CRISP1: variants seen among roughly 807,000 people sequenced by gnomAD.
CRISP1 encodes the protein cysteine-rich secretory protein 1.
In CRISP1, 44 loss-of-function variants were observed where a neutral mutation model predicts 33.1. The observed-to-expected ratio is 1.33, with a 90% confidence interval of 1.05 to 1.71. The LOEUF (loss-of-function observed/expected upper bound fraction) is 1.71. CRISP1 is among the 40% of genes most tolerant of loss of function. CRISP1 has a pLI of 0.00. For missense variants in CRISP1, 390 were observed against 301.2 expected (o/e 1.29, Z -2.18); for synonymous variants, 103 against 98.7 (o/e 1.04, Z -0.26).
At chr6:49,863,050 G>T (rs1417231973) in intron 1 of CRISP1, among the ~76,000 whole-genome samples, 1 of 152,092 alleles carries the variant, frequency 6.6e-6, no homozygotes, top group Admixed American at 6.6e-5. Context: ...GGACATATGG[G>T]TCAAAATCAG....
chr6:49,846,663 A>G lies in CRISP1; in HGVS notation c.292T>C (p.Phe98Leu). Residue 98 changes from phenylalanine to leucine, a missense_variant, in exon 5 of 8, where the codon TTT becomes CTT. Physicochemically the swap from Phe to Leu is conservative, Grantham distance 22. Coordinates refer to ENST00000335847, the MANE Select transcript of CRISP1 (RefSeq NM_001131.3). The part of the protein sequence containing the change: ...NPLERRLPNT[F>L]CGENMHMTSY... ...GTCATATGCATATTTTCTCCACAAAAGGTATCTGAAATGAGAAAACGGGCT... is the reference window on the plus strand; with the variant it reads ...GTCATATGCATATTTTCTCCACAAAGGGTATCTGAAATGAGAAAACGGGCT... 1.2e-6 allele frequency: 2 copies of G among 1,613,174 alleles called. No individual in the cohort carries two copies. The highest frequency in any genetic ancestry group is 2.2e-5 in the East Asian group (1 of 44,852).
chr6:49,861,071 A>G (rs1347408441), intron 1 of CRISP1, among the ~76,000 whole-genome samples: 2 of 152,152 alleles, frequency 1.3e-5, no homozygotes, highest in Non-Finnish European at 2.9e-5. Flanking sequence ...GAGCTGACCA[A>G]TAATGAATAA....
chr6:49,857,270 G>T, intron 2 of CRISP1, 65 bp downstream of exon 2: 1 of 1,489,110 alleles, frequency 6.7e-7, no homozygotes. Flanking sequence ...ATGGTGAATT[G>T]TATTAAAGTG....
At chr6:49,872,882 A>G (rs1771957787) in intron 1 of CRISP1, among the ~76,000 whole-genome samples, 1 of 151,970 alleles carries the variant, frequency 6.6e-6, no homozygotes. Context: ...TTGGCAATGC[A>G]GGCTCTTTTT....
intron 1 of CRISP1, among the ~76,000 whole-genome samples, chr6:49,863,707 G>A (rs910396199): frequency 6.6e-6 from 1 of 152,168 alleles, no homozygotes; most frequent in Non-Finnish European, 1.5e-5. Context: ...ACTGCCCTAT[G>A]GCATGCCCTG....
intron 1 of CRISP1, among the ~76,000 whole-genome samples, chr6:49,857,708 T>C (rs1771534337): frequency 1.3e-5 from 2 of 152,180 alleles, no homozygotes; most frequent in Admixed American, 1.3e-4. Flanking sequence ...CAGCTAACAT[T>C]AAAGTAGGGA....
rs116643431 is a variant in CRISP1 at position 49,842,984 on chromosome 6, C to T, written c.436-1989G>A. On this transcript the variant is annotated intron_variant, in intron 5 of 7. Coordinates refer to ENST00000335847, the MANE Select transcript of CRISP1 (RefSeq NM_001131.3). The stretch of plus-strand genomic sequence containing the variant: ...AATGAGAGAAATCATTTTGATAAAA[C>T]GTGTTCTATTTTGAAAGTGACACCG... Among the ~76,000 whole-genome samples, 449 of 152,202 alleles carry T rather than the reference C, an allele frequency of 3.0e-3. 6 individuals carry two copies. Among genetic ancestry groups the T allele is most frequent in the African/African-American group, 1.0e-2 (414 of 41,536 alleles).
Position 49,840,921 on chromosome 6 carries a change from G to C in CRISP1, c.510C>G (p.Leu170=). ...ACTCATGACAATAGTGACAAACGTA[G>C]AGATATCGAGGTGATCCTTGTTGGC... ...SCRQQGSPRY[L]YVCHYCHEGN... The change falls in exon 6 of 8, where the codon CTC becomes CTG. Residue 170 remains leucine (L), a synonymous_variant. Transcript: ENST00000335847. 1 of 1,613,616 alleles carries C rather than the reference G, an allele frequency of 6.2e-7. No individual in the cohort carries two copies. The highest frequency in any genetic ancestry group is 8.5e-7 in the Non-Finnish European group (1 of 1,179,718).
chr6:49,845,452 T>A (rs1222697358), intron 5 of CRISP1, among the ~76,000 whole-genome samples: 1 of 152,236 alleles, frequency 6.6e-6, no homozygotes, highest in African/African-American at 2.4e-5. Flanking sequence ...TGTGGTATTT[T>A]GTTATGGCAT....
At chr6:49,857,750 G>A (rs2127475783) in intron 1 of CRISP1, among the ~76,000 whole-genome samples, 1 of 152,286 alleles carries the variant, frequency 6.6e-6, no homozygotes, top group Non-Finnish European at 1.5e-5. Flanking sequence ...TGGACCCAAT[G>A]TAATCACAAG....
chr6:49,843,032 C>A (rs1410900289), intron 5 of CRISP1, among the ~76,000 whole-genome samples: 1 of 152,042 alleles, frequency 6.6e-6, no homozygotes, highest in East Asian at 1.9e-4. Context: ...GGAGACAAAT[C>A]AAGATTATCT....
At chr6:49,857,802 G>A (rs961722362) in intron 1 of CRISP1, among the ~76,000 whole-genome samples, 3 of 152,172 alleles carry the variant, frequency 2.0e-5, no homozygotes, top group African/African-American at 7.2e-5. Context: ...GTCAATGTCA[G>A]TGATGAGCAT....
At position 49,835,072 on chromosome 6, in the gene CRISP1, C is replaced by T. The variant is rs1770741064; in HGVS notation, c.*244G>A. The T allele has an allele frequency of 5.6e-6, 2 of 357,416 alleles. No homozygotes were observed. The highest frequency in any genetic ancestry group is 4.6e-5 in the Admixed American group (1 of 21,952). 22.1% of individuals were successfully genotyped at this position (357,416 alleles called of 1,614,324 possible). On this transcript the variant is annotated 3_prime_UTR_variant, in exon 8 of 8. Transcript: ENST00000335847. ...TATACCATAAGTTGAATTATGCCAACTTAAAAACTATAAATCACATGATTT... is the reference window on the plus strand; with the variant it reads ...TATACCATAAGTTGAATTATGCCAATTTAAAAACTATAAATCACATGATTT...
chr6:49,852,423 G>T (rs1184597120), intron 2 of CRISP1, among the ~76,000 whole-genome samples: 1 of 151,956 alleles, frequency 6.6e-6, no homozygotes, highest in African/African-American at 2.4e-5. Context: ...TTTTTATTGG[G>T]CAATAAGATC....
intron 1 of CRISP1, among the ~76,000 whole-genome samples, 191 bp from the exon 2 acceptor site, chr6:49,857,593 G>A (rs148314864): frequency 6.6e-6 from 1 of 152,216 alleles, no homozygotes; most frequent in African/African-American, 2.4e-5. Flanking sequence ...TTGAAGAATA[G>A]TAGAATCTCA....
chr6:49,852,209 T>C (rs1372323155), intron 2 of CRISP1, 80 bp from the exon 3 acceptor site: 3 of 1,293,604 alleles, frequency 2.3e-6, no homozygotes, highest in Non-Finnish European at 3.2e-6. Context: ...CTATAGGTAA[T>C]GCAAATTTAT....
At chr6:49,850,636 T>C (rs555901206) in intron 3 of CRISP1, among the ~76,000 whole-genome samples, 1 of 152,282 alleles carries the variant, frequency 6.6e-6, no homozygotes, top group Non-Finnish European at 1.5e-5. Flanking sequence ...CGTATTTCCT[T>C]TGAAATATTT....
chr6:49,869,767 C>G (rs140549847), upstream of CRISP1, among the ~76,000 whole-genome samples: 1 of 152,268 alleles, frequency 6.6e-6, no homozygotes, highest in East Asian at 1.9e-4. Context: ...GGTGTCCCCT[C>G]AAAGTTTATG....
At chr6:49,871,191 G>A (rs1229409078), upstream of CRISP1, among the ~76,000 whole-genome samples, 2 of 151,602 alleles carry the variant, frequency 1.3e-5, no homozygotes, top group Non-Finnish European at 2.9e-5. Flanking sequence ...CTTCTAACAT[G>A]CACTCATTAT....
Sources: allele counts gnomAD v4.1 joint callset (sites outside exome capture counted in the v4.1 genomes callset), GRCh38; gene constraint gnomAD v4.1.1; transcripts MANE v1.5; gene names NCBI Gene and HGNC (gene_info 2026-07-23, HGNC 2026-07-21).